DACH1: variants seen among roughly 807,000 people sequenced by gnomAD.
The protein encoded by DACH1 is dachshund family transcription factor 1.
DACH1 carries 12 observed loss-of-function variants against 54.2 expected under a neutral mutation model. The ratio of observed to expected loss-of-function variants is 0.22; its 90% CI spans 0.14 to 0.36. DACH1 has a LOEUF of 0.36. DACH1 is among the 10% of genes least tolerant of loss of function. The pLI, the probability that DACH1 is intolerant of heterozygous loss-of-function variation, is 1.00. For missense variants in DACH1, 805 were observed against 929.8 expected, an observed-to-expected ratio of 0.87 and a Z score of 1.75; for synonymous variants, 386 against 366.2, an observed-to-expected ratio of 1.05 and a Z score of -0.62.
At chr13:71,462,465 A>T (rs1188690885) in intron 10 of DACH1, among the ~76,000 whole-genome samples, 1 of 151,808 alleles carries the variant, frequency 6.6e-6, no homozygotes, top group African/African-American at 2.4e-5. Context: ...GTGAATATTT[A>T]TTTCATTTTC....
intron 1 of DACH1, among the ~76,000 whole-genome samples, chr13:71,821,939 T>C (rs1888204983): frequency 6.6e-6 from 1 of 152,024 alleles, no homozygotes; most frequent in Non-Finnish European, 1.5e-5. Flanking sequence ...TGTGTGCCTG[T>C]AGTCCCAGCT....
intron 3 of DACH1, among the ~76,000 whole-genome samples, chr13:71,582,380 C>G (rs1332483716): frequency 6.6e-6 from 1 of 152,060 alleles, no homozygotes; most frequent in Non-Finnish European, 1.5e-5. Context: ...CTTAGGCCCT[C>G]AATTAACAAT....
At chr13:71,648,995 T>C (rs2138617758) in intron 2 of DACH1, among the ~76,000 whole-genome samples, 1 of 152,302 alleles carries the variant, frequency 6.6e-6, no homozygotes, top group East Asian at 1.9e-4. Flanking sequence ...ACTTGCTAGG[T>C]AAATATGTTC....
chr13:71,580,593 G>A (rs935372472), intron 3 of DACH1, among the ~76,000 whole-genome samples: 1 of 152,148 alleles, frequency 6.6e-6, no homozygotes, highest in Admixed American at 6.5e-5. Flanking sequence ...CCCACTTGAG[G>A]AAAATTGCTA....
intron 6 of DACH1, among the ~76,000 whole-genome samples, chr13:71,489,738 CAT>C (rs1223594204): frequency 9.9e-5 from 15 of 151,972 alleles, no homozygotes; most frequent in Non-Finnish European, 4.4e-5. Context: ...AAATTAAAGA[CAT>C]AATTTTTTTG....
At position 71,518,197 on chromosome 13, in the gene DACH1, G is replaced by C. The variant is rs192849620; in HGVS notation, c.1571-29049C>G. On this transcript the variant is annotated intron_variant, in intron 6 of 10. Transcript: ENST00000613252. ...GAAAGATGTAACTAAGTTTAAATAA[G>C]GTCATAAGGGTGAGACCTTTAATCT... Among the ~76,000 whole-genome samples, 9 of 151,842 alleles carry C rather than the reference G, an allele frequency of 5.9e-5. 1 individual carries two copies. In the East Asian group the frequency reaches 9.7e-4, roughly 16 times the overall value.
At chr13:71,642,237 T>G (rs1023784876) in intron 2 of DACH1, among the ~76,000 whole-genome samples, 2 of 152,212 alleles carry the variant, frequency 1.3e-5, no homozygotes, top group Admixed American at 1.3e-4. Context: ...AGTAGATTTA[T>G]TCACCTTAAA....
intron 1 of DACH1, among the ~76,000 whole-genome samples, chr13:71,765,868 ATTCTTC>A (rs576953490): frequency 1.3e-5 from 2 of 148,460 alleles, no homozygotes; most frequent in East Asian, 2.0e-4. Flanking sequence ...CAAAAGGATT[ATTCTTC>A]TTCTTCTTCA....
chr13:71,669,355 G>A (rs1012817353), intron 2 of DACH1, among the ~76,000 whole-genome samples: 1 of 152,110 alleles, frequency 6.6e-6, no homozygotes, highest in Admixed American at 6.5e-5. Context: ...AGTTTCATAG[G>A]ATCAGGAACC....
chr13:71,765,439 C>T (rs1885580237), intron 1 of DACH1, among the ~76,000 whole-genome samples: 1 of 152,184 alleles, frequency 6.6e-6, no homozygotes, highest in African/African-American at 2.4e-5. Context: ...GCCTTCTTGC[C>T]TCCATTTGTA....
chr13:71,778,096 A>G (rs758924372), intron 1 of DACH1, among the ~76,000 whole-genome samples: 9 of 35,424 alleles, frequency 2.5e-4, no homozygotes, highest in Admixed American at 6.8e-4. Flanking sequence ...TGTCTACAAT[A>G]AATAAATAAA....
chr13:71,754,120 C>G (rs959580790), intron 1 of DACH1, among the ~76,000 whole-genome samples: 2 of 151,882 alleles, frequency 1.3e-5, no homozygotes. Context: ...TTTTCATATC[C>G]TGTTTCAGCA....
chr13:71,470,719 T>A (rs183847441), intron 10 of DACH1, among the ~76,000 whole-genome samples: 1 of 152,248 alleles, frequency 6.6e-6, no homozygotes, highest in Admixed American at 6.5e-5. Context: ...GATCTTCATA[T>A]CCACAAGATC....
At chr13:71,715,052 A>T (rs1439938771) in intron 1 of DACH1, among the ~76,000 whole-genome samples, 2 of 152,100 alleles carry the variant, frequency 1.3e-5, no homozygotes, top group Non-Finnish European at 2.9e-5. Flanking sequence ...TTTTAGGCAG[A>T]TATTATTATC....
At chr13:71,835,506 T>C (rs1306260384) in intron 1 of DACH1, among the ~76,000 whole-genome samples, 1 of 152,008 alleles carries the variant, frequency 6.6e-6, no homozygotes, top group East Asian at 1.9e-4. Flanking sequence ...CCTAAAATTA[T>C]CCCAGAGGTA....
At chr13:71,828,565 T>C (rs1458149503) in intron 1 of DACH1, among the ~76,000 whole-genome samples, 2 of 152,036 alleles carry the variant, frequency 1.3e-5, no homozygotes, top group African/African-American at 2.4e-5. Flanking sequence ...TATTCAACCA[T>C]GAAACATTAG....
intron 1 of DACH1, among the ~76,000 whole-genome samples, chr13:71,788,955 G>A (rs994142008): frequency 2.0e-5 from 3 of 152,006 alleles, no homozygotes; most frequent in African/African-American, 7.2e-5. Flanking sequence ...TCAAATCAGT[G>A]TTGACAAATA....
chr13:71,455,220 T>C (rs1484447024), intron 10 of DACH1, among the ~76,000 whole-genome samples: 1 of 152,136 alleles, frequency 6.6e-6, no homozygotes, highest in Non-Finnish European at 1.5e-5. Context: ...AAACTATTTA[T>C]TTTCACACTT....
chr13:71,783,974 A>C (rs963541904), intron 1 of DACH1, among the ~76,000 whole-genome samples: 2 of 150,724 alleles, frequency 1.3e-5, no homozygotes, highest in Admixed American at 6.6e-5. Context: ...TAAAAAAAAA[A>C]AAAAAACAAA....
Sources: allele counts gnomAD v4.1 joint callset (sites outside exome capture counted in the v4.1 genomes callset), GRCh38; gene constraint gnomAD v4.1.1; transcripts MANE v1.5; gene names NCBI Gene and HGNC (gene_info 2026-07-23, HGNC 2026-07-21).